Variants in MYO9A observed in about 807,000 individuals in gnomAD.
MYO9A encodes the protein myosin IXA, also known as unconventional myosin-IXa.
MYO9A carries 103 observed loss-of-function variants against 293.3 expected under a neutral mutation model. That is an observed-to-expected ratio of 0.35 (90% CI 0.30 to 0.41). The LOEUF (loss-of-function observed/expected upper bound fraction) is 0.41. Among genes scored for constraint, MYO9A ranks in the 10% least tolerant of loss-of-function variants. MYO9A has a pLI of 1.00. For missense variants in MYO9A, 2,685 were observed against 3,033.0 expected, an observed-to-expected ratio of 0.89 and a Z score of 2.69; for synonymous variants, 1,001 against 1,035.7, an observed-to-expected ratio of 0.97 and a Z score of 0.64.
At chr15:72,083,074 G>C (rs2079602288) in intron 1 of MYO9A, among the ~76,000 whole-genome samples, 1 of 151,844 alleles carries the variant, frequency 6.6e-6, no homozygotes, top group Admixed American at 6.6e-5. Context: ...TCAATTTTTG[G>C]GAATAGTTTC....
chr15:72,075,354 A>G (rs1300187473), intron 1 of MYO9A, among the ~76,000 whole-genome samples: 2 of 152,162 alleles, frequency 1.3e-5, no homozygotes, highest in Non-Finnish European at 2.9e-5. Flanking sequence ...GCAAGAGAAA[A>G]AAGTCAACAC....
At chr15:71,974,624 G>A (rs910262680) in intron 12 of MYO9A, among the ~76,000 whole-genome samples, 10 of 152,246 alleles carry the variant, frequency 6.6e-5, no homozygotes, top group African/African-American at 2.4e-4. Context: ...GCAAGAAACT[G>A]TAACTACATT....
At position 71,994,238 on chromosome 15, in the gene MYO9A, A is replaced by G. The variant is rs1567359032; in HGVS notation, c.1587+231T>C. On this transcript the variant is annotated intron_variant, in intron 10 of 41. Coordinates refer to ENST00000356056, the MANE Select transcript of MYO9A (RefSeq NM_006901.4). ...GAATACAGAGAGCATGATTCTATTT[A>G]CATTTTTTAAAGCAACTCTGAATAT... Among the ~76,000 whole-genome samples the G allele has an allele frequency of 5.3e-5, 8 of 152,298 alleles. No individual in the cohort carries two copies. The South Asian group carries it at 1.2e-3, about 24-fold the overall frequency.
At chr15:71,839,639 G>A (rs976743120) in intron 39 of MYO9A, among the ~76,000 whole-genome samples, 2 of 152,018 alleles carry the variant, frequency 1.3e-5, no homozygotes, top group South Asian at 4.1e-4. Flanking sequence ...GAAACTCCTG[G>A]CTTCAAGCAA....
rs151322559 is a variant in MYO9A at position 71,840,906 on chromosome 15, C to T, written c.6837+7939G>A. Among the ~76,000 whole-genome samples the T allele has an allele frequency of 8.3e-3, 1,257 of 152,358 alleles. 16 individuals carry two copies. The highest frequency in any genetic ancestry group is 0.028 in the African/African-American group (1,181 of 41,590). ...TCGGCCTCCCAAAGTGCTGCGATTA[C>T]AGGCGTGAGCCGCCGTGCCCAGCCT... On this transcript the variant is annotated intron_variant, in intron 39 of 41. Transcript: ENST00000356056.
At chr15:72,088,759 T>C (rs796820446) in intron 1 of MYO9A, among the ~76,000 whole-genome samples, 4 of 152,352 alleles carry the variant, frequency 2.6e-5, no homozygotes, top group African/African-American at 9.6e-5. Context: ...TTGTTCTGAC[T>C]GACAGAGACG....
At position 71,916,931 on chromosome 15, in the gene MYO9A, T is replaced by C. The variant is rs188327041; in HGVS notation, c.2563-439A>G. On this transcript the variant is annotated intron_variant, in intron 18 of 41. Coordinates refer to ENST00000356056, the MANE Select transcript of MYO9A (RefSeq NM_006901.4). ...AACATTTGTGTTGTCATCACAACTA[T>C]ACTAAATGCAGCTTAGCCCTGGAGC... 3.4e-3 allele frequency among the ~76,000 whole-genome samples: 512 copies of C among 152,350 alleles called. 3 individuals carry two copies. The highest frequency in any genetic ancestry group is 5.3e-3 in the Non-Finnish European group (363 of 68,040).
chr15:71,878,285 TAGAGG>T, intron 30 of MYO9A, 54 bp from the exon 31 acceptor site: 5 of 1,266,064 alleles, frequency 3.9e-6, no homozygotes, highest in Non-Finnish European at 5.4e-6. Flanking sequence ...TCCTTAAATA[TAGAGG>T]AAAGATTACA....
chr15:72,049,870 G>T (rs1254823791), intron 1 of MYO9A, among the ~76,000 whole-genome samples: 1 of 152,154 alleles, frequency 6.6e-6, no homozygotes, highest in African/African-American at 2.4e-5. Context: ...TGCCAAAAAG[G>T]TTAAAGACCA....
At chr15:72,093,198 G>C (rs555634621) in intron 1 of MYO9A, among the ~76,000 whole-genome samples, 1 of 152,102 alleles carries the variant, frequency 6.6e-6, no homozygotes, top group East Asian at 1.9e-4. Context: ...AAGCTTGAAA[G>C]GGTCGTATAT....
chr15:71,977,497 A>C (rs1427119175), intron 12 of MYO9A, among the ~76,000 whole-genome samples: 1 of 152,162 alleles, frequency 6.6e-6, no homozygotes, highest in Non-Finnish European at 1.5e-5. Flanking sequence ...TTGGCATCCC[A>C]AAGTGTTGAG....
intron 1 of MYO9A, among the ~76,000 whole-genome samples, chr15:72,111,233 T>A: frequency 6.6e-6 from 1 of 151,828 alleles, no homozygotes; most frequent in Admixed American, 6.6e-5. Context: ...CTCACACCTA[T>A]AATCCCAGCA....
At chr15:71,858,599 C>T (rs944952719) in intron 34 of MYO9A, 5 of 150,730 alleles carry the variant, frequency 3.3e-5, no homozygotes, top group Non-Finnish European at 2.9e-5. Context: ...TGAATGCGCC[C>T]GATCTCTTCT....
chr15:72,065,515 C>CA (rs780113322), intron 1 of MYO9A, among the ~76,000 whole-genome samples: 2,529 of 56,398 alleles, frequency 0.045, 44 homozygotes, highest in African/African-American at 0.073. Context: ...AACTCCGTCT[C>CA]AAAAAAAAAA....
chr15:71,860,899 G>A (rs1477523181), intron 33 of MYO9A, among the ~76,000 whole-genome samples: 1 of 145,926 alleles, frequency 6.9e-6, no homozygotes, highest in African/African-American at 2.6e-5. Flanking sequence ...CCTGGAAGGC[G>A]GAGGCTGCAG....
chr15:72,019,170 G>T, intron 5 of MYO9A, 75 bp from the exon 6 acceptor site: 3 of 1,235,990 alleles, frequency 2.4e-6, no homozygotes, highest in Non-Finnish European at 3.6e-6. Flanking sequence ...GATGTGGTGT[G>T]CAAGTAGTAC....
intron 11 of MYO9A, among the ~76,000 whole-genome samples, chr15:71,989,936 G>C (rs1280003670): frequency 6.6e-6 from 1 of 151,868 alleles, no homozygotes; most frequent in African/African-American, 2.4e-5. Context: ...GGCTGAGGTG[G>C]GGGGACTCCT....
At chr15:71,830,973 C>CTTCTTTT (rs2054700094) in intron 39 of MYO9A, among the ~76,000 whole-genome samples, 1 of 103,082 alleles carries the variant, frequency 9.7e-6, no homozygotes, top group Non-Finnish European at 1.9e-5. Context: ...CTGCTTCTTC[C>CTTCTTTT]TTTTTTTTTT....
chr15:71,840,309 G>A (rs1172024296), intron 39 of MYO9A, among the ~76,000 whole-genome samples: 5 of 152,306 alleles, frequency 3.3e-5, no homozygotes, highest in Middle Eastern at 3.4e-3. Context: ...CACCTGAGTT[G>A]TGACTTAGAA....
Sources: gnomAD v4.1 joint callset for allele counts (sites outside exome capture counted in the v4.1 genomes callset) on GRCh38, gnomAD v4.1.1 for gene constraint, MANE v1.5 for transcripts, NCBI Gene and HGNC (gene_info 2026-07-23, HGNC 2026-07-21) for gene names.